KIAA0319L: variants seen among roughly 807,000 people sequenced by gnomAD.
KIAA0319L encodes KIAA0319 like, also known as dyslexia-associated protein KIAA0319-like protein.
In KIAA0319L, 55 loss-of-function variants were observed where a neutral mutation model predicts 120.1. That is an observed-to-expected ratio of 0.46 (90% CI 0.37 to 0.57). KIAA0319L has a LOEUF of 0.57. KIAA0319L is among the 20% of genes least tolerant of loss of function. KIAA0319L has a pLI of 0.00. For missense variants in KIAA0319L, 1,049 were observed against 1,255.3 expected, an observed-to-expected ratio of 0.84 and a Z score of 2.48; for synonymous variants, 398 against 471.9, an observed-to-expected ratio of 0.84 and a Z score of 2.03.
chr1:35,527,931 T>G (rs985755156), intron 2 of KIAA0319L, among the ~76,000 whole-genome samples: 1 of 152,152 alleles, frequency 6.6e-6, no homozygotes, highest in African/African-American at 2.4e-5. Flanking sequence ...GTTTGGTTTG[T>G]CCTTGCCTTT....
intron 3 of KIAA0319L, among the ~76,000 whole-genome samples, chr1:35,486,219 C>CA (rs1432348165): frequency 1.3e-5 from 2 of 151,594 alleles, no homozygotes; most frequent in Non-Finnish European, 2.9e-5. Flanking sequence ...CCCGTGTCTA[C>CA]AAAAAATATA....
At chr1:35,455,667 G>C (rs1353532992) in intron 10 of KIAA0319L, among the ~76,000 whole-genome samples, 1 of 133,630 alleles carries the variant, frequency 7.5e-6, no homozygotes, top group African/African-American at 2.8e-5. Context: ...TGCAACCTCC[G>C]CCTCCTAGGT....
chr1:35,536,680 C>T (rs1646584885), intron 2 of KIAA0319L, among the ~76,000 whole-genome samples: 1 of 152,164 alleles, frequency 6.6e-6, no homozygotes, highest in Non-Finnish European at 1.5e-5. Context: ...GATACAGGTG[C>T]TATTCCATTT....
chr1:35,495,623 GTTTT>G (rs895806007), intron 3 of KIAA0319L, among the ~76,000 whole-genome samples: 2 of 151,898 alleles, frequency 1.3e-5, no homozygotes, highest in African/African-American at 2.4e-5. Flanking sequence ...AAATAACACA[GTTTT>G]TTTGTTTGTT....
At chr1:35,452,850 CAA>C (rs1250548655) in intron 12 of KIAA0319L, among the ~76,000 whole-genome samples, 43 of 152,082 alleles carry the variant, frequency 2.8e-4, no homozygotes, top group Non-Finnish European at 5.6e-4. Flanking sequence ...AACAAACAAA[CAA>C]ACAAACACAA....
intron 2 of KIAA0319L, among the ~76,000 whole-genome samples, chr1:35,513,288 A>ATATATATTTTTTT (rs1414704674): frequency 2.3e-5 from 2 of 85,302 alleles, no homozygotes; most frequent in South Asian, 4.3e-4. Flanking sequence ...ATATATATAT[A>ATATATATTTTTTT]TTTTTTTTTT....
chr1:35,520,258 C>A (rs559523241), intron 2 of KIAA0319L, among the ~76,000 whole-genome samples: 3 of 152,210 alleles, frequency 2.0e-5, no homozygotes, highest in African/African-American at 7.2e-5. Context: ...TGCCACCACG[C>A]CTGGCTAATT....
chr1:35,440,338 A>G (rs921375735), intron 20 of KIAA0319L: 2 of 152,276 alleles, frequency 1.3e-5, no homozygotes, highest in African/African-American at 4.8e-5. Flanking sequence ...AAAAGTGTTT[A>G]ATAAATGCTT....
At chr1:35,501,230 A>G (rs930946011) in intron 3 of KIAA0319L, among the ~76,000 whole-genome samples, 8 of 152,218 alleles carry the variant, frequency 5.3e-5, no homozygotes, top group Admixed American at 1.3e-4. Context: ...ATACACCTGA[A>G]TTCTGTAAGA....
intron 2 of KIAA0319L, among the ~76,000 whole-genome samples, chr1:35,553,499 G>T (rs1647467054): frequency 1.3e-5 from 2 of 152,110 alleles, no homozygotes; most frequent in South Asian, 4.1e-4. Flanking sequence ...AATTACTAGG[G>T]TCTCAAAATC....
intron 2 of KIAA0319L, among the ~76,000 whole-genome samples, chr1:35,518,882 T>C (rs1281790814): frequency 6.7e-6 from 1 of 148,538 alleles, no homozygotes; most frequent in African/African-American, 2.5e-5. Flanking sequence ...TGGGCACCTG[T>C]AATCCCAGCT....
intron 2 of KIAA0319L, among the ~76,000 whole-genome samples, chr1:35,520,777 G>A (rs1190777890): frequency 6.6e-6 from 1 of 152,124 alleles, no homozygotes; most frequent in East Asian, 1.9e-4. Flanking sequence ...AGCACCTGCT[G>A]CATGCTGGGA....
At chr1:35,468,773 C>A (rs1643433913) in intron 6 of KIAA0319L, among the ~76,000 whole-genome samples, 1 of 152,210 alleles carries the variant, frequency 6.6e-6, no homozygotes, top group Admixed American at 6.5e-5. Flanking sequence ...ACTGCCATCA[C>A]CTTAGTTCTT....
chr1:35,447,556 C>A (rs1157974745), intron 16 of KIAA0319L, among the ~76,000 whole-genome samples: 1 of 151,432 alleles, frequency 6.6e-6, no homozygotes, highest in African/African-American at 2.4e-5. Flanking sequence ...TATAAGTTTC[C>A]TTTTCCCCTT....
chr1:35,543,930 G>A (rs1298752660), intron 2 of KIAA0319L, among the ~76,000 whole-genome samples: 2 of 152,176 alleles, frequency 1.3e-5, no homozygotes, highest in Admixed American at 6.5e-5. Flanking sequence ...AGGATGACTG[G>A]AGAACATGGC....
At chr1:35,484,792 ATATATATATATATATTTT>A (rs1364831968) in intron 3 of KIAA0319L, among the ~76,000 whole-genome samples, 71 of 50,188 alleles carry the variant, frequency 1.4e-3, no homozygotes, top group African/African-American at 7.4e-3. Flanking sequence ...ATATATATAT[ATATATATATATATATTTT>A]TTTTTTTATT....
intron 13 of KIAA0319L, among the ~76,000 whole-genome samples, chr1:35,451,021 C>G (rs1642021026): frequency 2.0e-5 from 3 of 152,226 alleles, no homozygotes; most frequent in Admixed American, 2.0e-4. Flanking sequence ...ATTCAGATGT[C>G]TGTGCAGTAT....
intron 2 of KIAA0319L, among the ~76,000 whole-genome samples, chr1:35,546,877 T>C (rs1012465351): frequency 6.6e-6 from 1 of 151,734 alleles, no homozygotes; most frequent in East Asian, 1.9e-4. Context: ...GGTGGAAATG[T>C]AAAATGGTGC....
chr1:35,472,705 G>C, intron 5 of KIAA0319L, among the ~76,000 whole-genome samples: 1 of 152,102 alleles, frequency 6.6e-6, no homozygotes, highest in East Asian at 1.9e-4. Flanking sequence ...CCAACCTTTG[G>C]AAGTTTGAAA....
Sources: gnomAD v4.1 joint callset for allele counts (sites outside exome capture counted in the v4.1 genomes callset) on GRCh38, gnomAD v4.1.1 for gene constraint, MANE v1.5 for transcripts, NCBI Gene and HGNC (gene_info 2026-07-23, HGNC 2026-07-21) for gene names.